PRKCQ: variants seen among roughly 807,000 people sequenced by gnomAD.
The protein encoded by PRKCQ is protein kinase C theta type.
PRKCQ carries 41 observed loss-of-function variants against 91.2 expected under a neutral mutation model. That is an observed-to-expected ratio of 0.45 (90% confidence interval 0.35 to 0.58). PRKCQ has a LOEUF of 0.58. PRKCQ is among the 20% of genes least tolerant of loss of function. The pLI is 0.00. For synonymous variants in PRKCQ, 307 were observed against 316.9 expected (o/e 0.97, Z 0.33); for missense variants, 673 against 896.5 (o/e 0.75, Z 3.18).
Position 6,497,286 on chromosome 10 carries a change from T to A in PRKCQ, c.543-35A>T, listed in dbSNP as rs1357900356. 1 of 1,613,622 alleles carries A rather than the reference T, an allele frequency of 6.2e-7. No individual in the cohort carries two copies. The highest frequency in any genetic ancestry group is 8.5e-7 in the Non-Finnish European group (1 of 1,179,792). On this transcript the variant is annotated intron_variant, in intron 5 of 17. Coordinates refer to ENST00000263125, the MANE Select transcript of PRKCQ (RefSeq NM_006257.5). The surrounding 1 kb of genome is among the most constrained non-coding windows in gnomAD (Gnocchi z 4.5). Reference sequence around the variant, plus strand: ...AGCACACGCTGATTTATTTCAATGTTGGCATCAACATCAGCACCAACAGCA... The same window carrying A: ...AGCACACGCTGATTTATTTCAATGTAGGCATCAACATCAGCACCAACAGCA...
chr10:6,506,849 GC>G (rs1188431977), intron 4 of PRKCQ, among the ~76,000 whole-genome samples: 1 of 152,150 alleles, frequency 6.6e-6, no homozygotes, highest in Non-Finnish European at 1.5e-5. Context: ...CACATACACA[GC>G]CCTGACAGCC....
At chr10:6,439,164 T>C (rs1332853978) in intron 16 of PRKCQ, among the ~76,000 whole-genome samples, 2 of 152,312 alleles carry the variant, frequency 1.3e-5, no homozygotes, top group South Asian at 2.1e-4. Flanking sequence ...GGGTTTGCCT[T>C]GGGAGCTCCT....
intron 1 of PRKCQ, among the ~76,000 whole-genome samples, chr10:6,565,438 T>C (rs895053080): frequency 2.0e-5 from 3 of 152,254 alleles, no homozygotes; most frequent in Non-Finnish European, 4.4e-5. Flanking sequence ...TGATGCTATG[T>C]GTTAACATTT....
intron 17 of PRKCQ, among the ~76,000 whole-genome samples, chr10:6,428,641 A>G (rs1428237261): frequency 6.6e-6 from 1 of 152,162 alleles, no homozygotes; most frequent in South Asian, 2.1e-4. Context: ...AATGGTTTAC[A>G]TGAAGCAGGG....
intron 14 of PRKCQ, 69 bp downstream of exon 14, chr10:6,462,234 G>T: frequency 1.4e-6 from 2 of 1,411,372 alleles, no homozygotes; most frequent in Non-Finnish European, 2.0e-6. Flanking sequence ...AGCACTCGGT[G>T]CAATGATTAA....
intron 12 of PRKCQ, among the ~76,000 whole-genome samples, chr10:6,469,558 T>A (rs1378352908): frequency 2.0e-5 from 3 of 152,224 alleles, no homozygotes; most frequent in Admixed American, 1.3e-4. Context: ...GGACATGGAA[T>A]GAACAATTTT....
At chr10:6,456,915 G>A in intron 14 of PRKCQ, 103 bp from the exon 15 acceptor site, 1 of 1,251,110 alleles carries the variant, frequency 8.0e-7, no homozygotes, top group South Asian at 1.4e-5. Flanking sequence ...AGCCTGAGAG[G>A]GGCTCACGAG....
intron 1 of PRKCQ, among the ~76,000 whole-genome samples, chr10:6,572,394 C>T (rs1299576556): frequency 6.6e-6 from 1 of 152,096 alleles, no homozygotes; most frequent in Non-Finnish European, 1.5e-5. Context: ...CCAATCCCAC[C>T]TCCCGACAGG....
chr10:6,464,277 C>A lies in PRKCQ; in HGVS notation c.1445+36G>T, dbSNP rs201825714. 1.3e-5 allele frequency: 21 copies of A among 1,563,412 alleles called. No individual in the cohort carries two copies. The East Asian group carries it at 4.7e-4, about 35-fold the overall frequency. On this transcript the variant is annotated intron_variant, in intron 13 of 17. Coordinates refer to ENST00000263125, the MANE Select transcript of PRKCQ (RefSeq NM_006257.5). ...AAAAACCAGCAAGAACTGACAAGAACAGTGGAAAACTCCCAAACCCTTTAA... is the reference window on the plus strand; with the variant it reads ...AAAAACCAGCAAGAACTGACAAGAAAAGTGGAAAACTCCCAAACCCTTTAA...
chr10:6,489,548 G>A (rs1440202292), intron 8 of PRKCQ: 1 of 484,204 alleles, frequency 2.1e-6, no homozygotes, highest in Middle Eastern at 3.4e-4. Flanking sequence ...AGGATGAAAG[G>A]GAGGCAGAGA....
chr10:6,430,845 G>T lies in PRKCQ; in HGVS notation c.1930C>A (p.Arg644=), dbSNP rs201623843. 5.6e-4 allele frequency: 910 copies of T among 1,614,064 alleles called. 1 individual carries two copies. The highest frequency in any genetic ancestry group is 7.3e-4 in the Non-Finnish European group (863 of 1,180,010). The change falls in exon 17 of 18, where the codon CGG becomes AGG. Residue 644 remains arginine (R), a synonymous_variant. Transcript: ENST00000263125. This position sits in a 1 kb window ranked among gnomAD's most constrained non-coding sequence, Gnocchi z 4.7. The part of the protein sequence containing the change: ...FREINWEELE[R]KEIDPPFRPK... The stretch of plus-strand genomic sequence containing the variant: ...CGGAACGGTGGGTCAATCTCCTTCC[G>T]TTCAAGTTCCTCCCAGTTGATCTCC...
intron 14 of PRKCQ, among the ~76,000 whole-genome samples, chr10:6,457,999 G>A (rs1459000317): frequency 2.0e-5 from 3 of 151,872 alleles, no homozygotes; most frequent in Non-Finnish European, 4.4e-5. Flanking sequence ...AGGCTGGAGT[G>A]CAGTGGCATG....
At chr10:6,397,028 A>G in the PRKCQ span, among the ~76,000 whole-genome samples, 1,943 of 152,320 alleles carry the variant, frequency 0.013, 38 homozygotes, top group African/African-American at 0.044. Flanking sequence ...TCTAATGACT[A>G]ACGATGTTGA....
chr10:6,407,492 T>C, the PRKCQ span, among the ~76,000 whole-genome samples: 1 of 151,316 alleles, frequency 6.6e-6, no homozygotes, highest in Admixed American at 6.6e-5. This position sits in a 1 kb window ranked among gnomAD's most constrained non-coding sequence, Gnocchi z 4.0. Flanking sequence ...TGTGTGTGTG[T>C]GTATGGTGTG....
the PRKCQ span, among the ~76,000 whole-genome samples, chr10:6,402,738 C>G: frequency 6.6e-6 from 1 of 152,168 alleles, no homozygotes; most frequent in Admixed American, 6.5e-5. Context: ...GGCAAAACCC[C>G]GTTTCTACTA....
chr10:6,445,951 A>G (rs1033568372), intron 15 of PRKCQ, among the ~76,000 whole-genome samples: 1 of 152,220 alleles, frequency 6.6e-6, no homozygotes, highest in Non-Finnish European at 1.5e-5. Flanking sequence ...AAACAAAAAG[A>G]AAATTTGGAA....
intron 15 of PRKCQ, among the ~76,000 whole-genome samples, chr10:6,442,788 C>G (rs112827152): frequency 0.012 from 1,789 of 152,172 alleles, 40 homozygotes; most frequent in African/African-American, 0.041. Context: ...GTGGTGAAAC[C>G]CTATCTCTAC....
intron 1 of PRKCQ, among the ~76,000 whole-genome samples, chr10:6,579,684 G>A (rs1157748250): frequency 7.0e-6 from 1 of 142,210 alleles, no homozygotes; most frequent in Non-Finnish European, 1.5e-5. Context: ...TCAAAGACCT[G>A]CCTCCCCCTC....
At chr10:6,563,679 G>A (rs1840719445) in intron 1 of PRKCQ, among the ~76,000 whole-genome samples, 1 of 152,008 alleles carries the variant, frequency 6.6e-6, no homozygotes, top group Non-Finnish European at 1.5e-5. Flanking sequence ...GGGTTTTCTG[G>A]TCTTTTCCCT....
Sources: gnomAD v4.1 joint callset for allele counts (sites outside exome capture counted in the v4.1 genomes callset) on GRCh38, gnomAD v4.1.1 for gene constraint, Gnocchi (gnomAD v3.1) non-coding constraint, MANE v1.5 for transcripts, NCBI Gene and HGNC (gene_info 2026-07-23, HGNC 2026-07-21) for gene names.